PLCL1: variants seen among roughly 807,000 people sequenced by gnomAD.
PLCL1 encodes inactive phospholipase C-like protein 1.
In PLCL1, 41 loss-of-function variants were observed where a neutral mutation model predicts 84.4. The observed-to-expected ratio is 0.49, with a 90% CI of 0.38 to 0.63. PLCL1 has a LOEUF of 0.63. Ranked by LOEUF, PLCL1 falls within the 30% of genes least tolerant of loss-of-function variation. PLCL1 has a pLI of 0.00. For synonymous variants in PLCL1, 490 were observed against 488.3 expected, an observed-to-expected ratio of 1.00 and a Z score of -0.05; for missense variants, 1,206 against 1,367.8, an observed-to-expected ratio of 0.88 and a Z score of 1.87.
At chr2:198,091,120 T>C (rs1428500119) in intron 3 of PLCL1, among the ~76,000 whole-genome samples, 1 of 152,148 alleles carries the variant, frequency 6.6e-6, no homozygotes, top group African/African-American at 2.4e-5. Context: ...GGGAATTGAG[T>C]GTAAATATCC....
chr2:198,031,207 CA>C (rs58115602), intron 1 of PLCL1, among the ~76,000 whole-genome samples: 1,116 of 79,670 alleles, frequency 0.014, 4 homozygotes, highest in African/African-American at 0.021. Context: ...CTTGTCTCTA[CA>C]AAAAAAAAAA....
At chr2:198,123,128 G>T (rs1180337837) in intron 5 of PLCL1, among the ~76,000 whole-genome samples, 1 of 152,068 alleles carries the variant, frequency 6.6e-6, no homozygotes, top group Admixed American at 6.6e-5. Context: ...TTAAACTCCT[G>T]AACTTGTAAA....
chr2:197,912,505 T>C (rs1019148330), intron 1 of PLCL1, among the ~76,000 whole-genome samples: 4 of 151,708 alleles, frequency 2.6e-5, no homozygotes, highest in African/African-American at 9.7e-5. Context: ...GTATGTTTAT[T>C]GCGGCATTAT....
chr2:198,041,529 A>G (rs1442542977), intron 1 of PLCL1, among the ~76,000 whole-genome samples: 7 of 152,202 alleles, frequency 4.6e-5, no homozygotes, highest in African/African-American at 9.6e-5. Context: ...ACTGAGGCAT[A>G]CAAATGAAAT....
intron 1 of PLCL1, among the ~76,000 whole-genome samples, chr2:197,955,542 C>T (rs1574967275): frequency 6.6e-6 from 1 of 150,668 alleles, no homozygotes. Flanking sequence ...CCCCTTACTC[C>T]CCCATCCCCC....
intron 1 of PLCL1, among the ~76,000 whole-genome samples, chr2:197,985,238 G>A (rs1386323711): frequency 6.6e-6 from 1 of 152,200 alleles, no homozygotes; most frequent in Non-Finnish European, 1.5e-5. Flanking sequence ...TGAAGTCTCA[G>A]TTTCTTTACT....
chr2:198,132,968 C>G (rs938153710), intron 5 of PLCL1, among the ~76,000 whole-genome samples: 2 of 151,334 alleles, frequency 1.3e-5, no homozygotes, highest in Non-Finnish European at 2.9e-5. Context: ...TTAGGTCTAA[C>G]GTTTAAATCT....
intron 1 of PLCL1, among the ~76,000 whole-genome samples, chr2:197,985,573 C>A (rs1690204102): frequency 6.6e-6 from 1 of 152,176 alleles, no homozygotes; most frequent in South Asian, 2.1e-4. Flanking sequence ...AGAAACATGA[C>A]ACTGTACCCC....
intron 1 of PLCL1, among the ~76,000 whole-genome samples, chr2:197,817,029 G>C (rs942776942): frequency 2.0e-5 from 3 of 152,080 alleles, no homozygotes; most frequent in African/African-American, 7.2e-5. Flanking sequence ...ATGGCCAAAT[G>C]GTACCCATAA....
chr2:197,909,315 C>A (rs1688440855), intron 1 of PLCL1, among the ~76,000 whole-genome samples: 1 of 151,612 alleles, frequency 6.6e-6, no homozygotes, highest in Non-Finnish European at 1.5e-5. Flanking sequence ...TTCCTGCTTT[C>A]TTTTCTTTTT....
intron 1 of PLCL1, among the ~76,000 whole-genome samples, chr2:197,864,118 G>T (rs908571550): frequency 6.6e-6 from 1 of 152,130 alleles, no homozygotes; most frequent in African/African-American, 2.4e-5. Context: ...GGTAAACTAT[G>T]ATAATAATGC....
At chr2:198,143,907 T>C (rs1483556810) in intron 5 of PLCL1, among the ~76,000 whole-genome samples, 1 of 147,042 alleles carries the variant, frequency 6.8e-6, no homozygotes, top group Non-Finnish European at 1.5e-5. Context: ...TTTTTTTTTT[T>C]CTTGCCTATA....
At chr2:197,978,764 C>G (rs1446826227) in intron 1 of PLCL1, among the ~76,000 whole-genome samples, 1 of 152,174 alleles carries the variant, frequency 6.6e-6, no homozygotes, top group Non-Finnish European at 1.5e-5. Context: ...AGGAGCCATT[C>G]CCTCCCAGGG....
chr2:197,937,856 A>AT (rs1051917975), intron 1 of PLCL1, among the ~76,000 whole-genome samples: 11 of 151,976 alleles, frequency 7.2e-5, no homozygotes, highest in Non-Finnish European at 1.3e-4. Context: ...AGGATCAAGG[A>AT]TTTTTTTTCC....
intron 1 of PLCL1, among the ~76,000 whole-genome samples, chr2:197,981,392 T>A (rs138807294): frequency 9.5e-4 from 144 of 152,338 alleles, no homozygotes; most frequent in African/African-American, 3.3e-3. Flanking sequence ...AAGATATACC[T>A]ACTTTATCTG....
At chr2:197,888,762 T>A (rs187862834) in intron 1 of PLCL1, among the ~76,000 whole-genome samples, 1 of 152,200 alleles carries the variant, frequency 6.6e-6, no homozygotes, top group African/African-American at 2.4e-5. Flanking sequence ...TTTTTATATT[T>A]CAGATGTTTT....
chr2:197,838,287 G>A (rs1691230647), intron 1 of PLCL1, among the ~76,000 whole-genome samples: 1 of 152,212 alleles, frequency 6.6e-6, no homozygotes, highest in Non-Finnish European at 1.5e-5. Context: ...ACTTAGATGG[G>A]AGGGCCCATG....
chr2:197,957,776 C>T (rs572598378), intron 1 of PLCL1, among the ~76,000 whole-genome samples: 11 of 151,982 alleles, frequency 7.2e-5, no homozygotes, highest in Non-Finnish European at 1.0e-4. Flanking sequence ...TGCCCATGCC[C>T]TTCCTTATTT....
rs1295975332 is a variant in PLCL1 at position 198,085,462 on chromosome 2, A to T, written c.1945A>T (p.Ile649Phe). The change falls in exon 2 of 6, where the codon ATC becomes TTC. Residue 649 changes from isoleucine (I) to phenylalanine (F), a missense_variant. Ile to Phe is a conservative substitution (Grantham distance 21). Transcript: ENST00000428675. This position sits in a 1 kb window ranked among gnomAD's most constrained non-coding sequence, Gnocchi z 5.3. ...LSRIYPSAMR[I>F]DSSNLNPQDF... ...AAGAATCTATCCAAGTGCCATGAGG[A>T]TCGATTCCAGTAACTTGAATCCACA... 1 of 1,614,052 alleles carries T rather than the reference A, an allele frequency of 6.2e-7. No individual in the cohort carries two copies. Among genetic ancestry groups the T allele is most frequent in the East Asian group, 2.2e-5 (1 of 44,878 alleles).
Sources: allele counts gnomAD v4.1 joint callset (sites outside exome capture counted in the v4.1 genomes callset), GRCh38; gene constraint gnomAD v4.1.1; non-coding constraint Gnocchi (gnomAD v3.1); transcripts MANE v1.5; gene names NCBI Gene and HGNC (gene_info 2026-07-23, HGNC 2026-07-21).